The following FBXO36 variants were observed in gnomAD, a reference collection of about 807,000 sequenced individuals.
FBXO36 encodes F-box only protein 36.
Under a neutral mutation model 17.0 loss-of-function variants are expected in FBXO36, and 18 were observed. The observed-to-expected ratio is 1.06, with a 90% confidence interval of 0.73 to 1.57. The LOEUF (loss-of-function observed/expected upper bound fraction) is 1.57, where lower values mean the gene tolerates loss of function less well. Among genes scored for constraint, FBXO36 ranks in the 40% most tolerant of loss-of-function variants. The pLI, the probability that FBXO36 is intolerant of heterozygous loss-of-function variation, is 0.00. For missense variants in FBXO36, 229 were observed against 221.9 expected (o/e 1.03, Z -0.20); for synonymous variants, 83 against 85.3 (o/e 0.97, Z 0.15).
At chr2:229,981,237 C>A (rs1207258386) in intron 2 of FBXO36, among the ~76,000 whole-genome samples, 1 of 152,096 alleles carries the variant, frequency 6.6e-6, no homozygotes, top group African/African-American at 2.4e-5. Context: ...GCCTGTAATC[C>A]CAACTACTTG....
At chr2:230,001,800 T>A (rs1328230035) in intron 3 of FBXO36, among the ~76,000 whole-genome samples, 2 of 151,842 alleles carry the variant, frequency 1.3e-5, no homozygotes, top group South Asian at 2.1e-4. Context: ...ATTTCCTTTC[T>A]CTTCTGTTTG....
At chr2:229,939,653 C>G (rs1490560107) in intron 1 of FBXO36, among the ~76,000 whole-genome samples, 7 of 152,108 alleles carry the variant, frequency 4.6e-5, no homozygotes, top group African/African-American at 1.7e-4. Context: ...CTGGAAAAGT[C>G]GTTTCCACAT....
chr2:230,005,960 G>A (rs2077384979), intron 3 of FBXO36, among the ~76,000 whole-genome samples: 1 of 151,980 alleles, frequency 6.6e-6, no homozygotes, highest in Non-Finnish European at 1.5e-5. Context: ...GAGCCACCAC[G>A]CCCAGCCCAT....
chr2:229,940,611 A>G (rs1441243261), intron 1 of FBXO36, among the ~76,000 whole-genome samples: 1 of 152,194 alleles, frequency 6.6e-6, no homozygotes, highest in South Asian at 2.1e-4. Context: ...AGATCCTGCT[A>G]AAGTAGCATG....
At chr2:229,969,913 G>A (rs2077172801) in intron 1 of FBXO36, among the ~76,000 whole-genome samples, 1 of 152,056 alleles carries the variant, frequency 6.6e-6, no homozygotes, top group Non-Finnish European at 1.5e-5. Flanking sequence ...TATATGAATG[G>A]CAGATAAATG....
chr2:229,966,679 C>A (rs1283271425), intron 1 of FBXO36, among the ~76,000 whole-genome samples: 1 of 152,114 alleles, frequency 6.6e-6, no homozygotes, highest in Admixed American at 6.6e-5. Context: ...TTGTCAAAGA[C>A]CAGATGGTTG....
At chr2:229,932,278 T>C (rs1008351068) in intron 1 of FBXO36, among the ~76,000 whole-genome samples, 1 of 152,010 alleles carries the variant, frequency 6.6e-6, no homozygotes, top group Admixed American at 6.5e-5. Flanking sequence ...CCCAGCACTT[T>C]AGGAGGCTGA....
At chr2:229,952,642 T>C (rs1255889962) in intron 1 of FBXO36, among the ~76,000 whole-genome samples, 1 of 151,926 alleles carries the variant, frequency 6.6e-6, no homozygotes, top group East Asian at 1.9e-4. Context: ...TCCCCAGCAG[T>C]TTGCTAAAGG....
chr2:229,989,717 C>G (rs558328719), intron 2 of FBXO36, among the ~76,000 whole-genome samples: 1 of 145,250 alleles, frequency 6.9e-6, no homozygotes. Context: ...CCCACCACCA[C>G]GCCTGGCTAA....
At chr2:229,947,208 C>T (rs1005346791) in intron 1 of FBXO36, among the ~76,000 whole-genome samples, 2 of 152,012 alleles carry the variant, frequency 1.3e-5, no homozygotes, top group Non-Finnish European at 2.9e-5. Flanking sequence ...GTATAGAATA[C>T]AAAAATGGCA....
chr2:229,928,601 C>CTGAATAT (rs901659951), intron 1 of FBXO36, among the ~76,000 whole-genome samples: 6 of 152,292 alleles, frequency 3.9e-5, no homozygotes, highest in East Asian at 1.9e-4. Context: ...AATATTGAGG[C>CTGAATAT]TGAATATTGA....
chr2:229,970,568 T>C (rs1345032192), intron 1 of FBXO36, among the ~76,000 whole-genome samples: 1 of 152,170 alleles, frequency 6.6e-6, no homozygotes, highest in Admixed American at 6.6e-5. Flanking sequence ...CATCTCTATG[T>C]AATTGCAGCA....
intron 2 of FBXO36, among the ~76,000 whole-genome samples, chr2:229,983,079 C>T (rs983945922): frequency 2.6e-5 from 4 of 152,026 alleles, no homozygotes; most frequent in Middle Eastern, 3.4e-3. Context: ...ATCTCCTGGG[C>T]TCAAACAATC....
At chr2:229,992,944 GTGC>G (rs1217620600) in intron 2 of FBXO36, among the ~76,000 whole-genome samples, 1 of 152,148 alleles carries the variant, frequency 6.6e-6, no homozygotes, top group Non-Finnish European at 1.5e-5. Context: ...CCTCTCCATA[GTGC>G]TGCTAAGTGA....
chr2:229,993,854 T>G (rs2077310948), intron 2 of FBXO36, among the ~76,000 whole-genome samples: 1 of 151,984 alleles, frequency 6.6e-6, no homozygotes, highest in South Asian at 2.1e-4. Flanking sequence ...CACTGCAACC[T>G]CCGCCATTCT....
intron 1 of FBXO36, among the ~76,000 whole-genome samples, chr2:229,963,904 GA>G (rs1043940058): frequency 3.7e-4 from 56 of 152,176 alleles, no homozygotes; most frequent in African/African-American, 1.3e-3. Flanking sequence ...TGTTTCCCCA[GA>G]TCCTTACAAA....
At chr2:229,924,487 A>G (rs1413227201) in intron 1 of FBXO36, among the ~76,000 whole-genome samples, 1 of 152,200 alleles carries the variant, frequency 6.6e-6, no homozygotes, top group African/African-American at 2.4e-5. Context: ...TTCTATTTTT[A>G]TCTACCTCAA....
intron 1 of FBXO36, among the ~76,000 whole-genome samples, chr2:229,934,856 C>T (rs1481963777): frequency 2.6e-5 from 4 of 152,006 alleles, no homozygotes; most frequent in East Asian, 1.9e-4. Flanking sequence ...GGTTTCGCCA[C>T]GTTGGCCAGG....
intron 1 of FBXO36, among the ~76,000 whole-genome samples, chr2:229,923,881 T>G (rs2154386751): frequency 7.7e-6 from 1 of 130,116 alleles, no homozygotes; most frequent in Non-Finnish European, 1.6e-5. Flanking sequence ...TGAGACGGAG[T>G]CTCGCTCTGT....
Sources: allele counts gnomAD v4.1 joint callset (sites outside exome capture counted in the v4.1 genomes callset), GRCh38; gene constraint gnomAD v4.1.1; transcripts MANE v1.5; gene names NCBI Gene and HGNC (gene_info 2026-07-23, HGNC 2026-07-21).